The following SFMBT1 variants were observed in gnomAD, a reference collection of about 807,000 sequenced individuals.
SFMBT1 encodes Scm like with four mbt domains 1.
In SFMBT1, 32 loss-of-function variants were observed where a neutral mutation model predicts 108.7. The observed-to-expected ratio is 0.29, with a 90% CI of 0.22 to 0.40. The LOEUF (loss-of-function observed/expected upper bound fraction) is 0.40, where lower values mean the gene tolerates loss of function less well. Ranked by LOEUF, SFMBT1 falls within the 10% of genes least tolerant of loss-of-function variation. The pLI is 1.00. For missense variants in SFMBT1, 816 were observed against 1,059.6 expected, an observed-to-expected ratio of 0.77 and a Z score of 3.19; for synonymous variants, 348 against 369.5, an observed-to-expected ratio of 0.94 and a Z score of 0.67.
chr3:52,995,249 T>A (rs1426330248), intron 1 of SFMBT1, among the ~76,000 whole-genome samples: 3 of 149,870 alleles, frequency 2.0e-5, no homozygotes, highest in African/African-American at 7.3e-5. Context: ...GATATCCACA[T>A]GGACAAAAAT....
intron 1 of SFMBT1, among the ~76,000 whole-genome samples, chr3:52,989,225 C>T (rs754978191): frequency 6.6e-6 from 1 of 152,042 alleles, no homozygotes; most frequent in Non-Finnish European, 1.5e-5. Flanking sequence ...ACCAATTCCA[C>T]TTTACAGTGC....
chr3:52,906,014 A>C, intron 20 of SFMBT1, 99 bp downstream of exon 20: 9 of 1,389,778 alleles, frequency 6.5e-6, no homozygotes, highest in Non-Finnish European at 8.9e-6. Flanking sequence ...TTTTGGATCA[A>C]AACATTTTTC....
At chr3:53,031,804 A>C (rs941121036) in intron 1 of SFMBT1, among the ~76,000 whole-genome samples, 4 of 152,228 alleles carry the variant, frequency 2.6e-5, no homozygotes, top group South Asian at 2.1e-4. Context: ...TGTATAGTTT[A>C]TCTCTCCCAC....
rs1698432832 is a variant in SFMBT1 at position 52,998,798 on chromosome 3, C to T, written c.-130-29540G>A. On this transcript the variant is annotated intron_variant, in intron 1 of 20. Coordinates refer to ENST00000394752, the MANE Select transcript of SFMBT1 (RefSeq NM_016329.4). Reference sequence around the variant, plus strand: ...CTCAACCCTGGGGAGCTGGTGCTGCCGATCGACCTGACTGGCCCACAACGT... The same window carrying T: ...CTCAACCCTGGGGAGCTGGTGCTGCTGATCGACCTGACTGGCCCACAACGT... 2.0e-5 allele frequency among the ~76,000 whole-genome samples: 3 copies of T among 150,642 alleles called. 1 individual carries two copies. The highest frequency in any genetic ancestry group is 4.2e-4 in the South Asian group (2 of 4,788).
At chr3:52,938,283 T>G (rs553140224) in intron 4 of SFMBT1, among the ~76,000 whole-genome samples, 1 of 152,350 alleles carries the variant, frequency 6.6e-6, no homozygotes, top group East Asian at 1.9e-4. Context: ...CAGTAACACT[T>G]ATTGATATTA....
chr3:52,988,101 T>C (rs981137558), intron 1 of SFMBT1, among the ~76,000 whole-genome samples: 2 of 152,232 alleles, frequency 1.3e-5, no homozygotes, highest in Non-Finnish European at 2.9e-5. Flanking sequence ...GGGGAAGTTA[T>C]AGTGGTTGAC....
intron 1 of SFMBT1, among the ~76,000 whole-genome samples, chr3:52,996,299 C>A (rs189225349): frequency 2.9e-5 from 4 of 139,052 alleles, no homozygotes; most frequent in African/African-American, 1.0e-4. Context: ...GCAGCCTCAA[C>A]CTCCTGGGTT....
At chr3:52,974,276 G>A (rs970136233) in intron 1 of SFMBT1, among the ~76,000 whole-genome samples, 4 of 152,138 alleles carry the variant, frequency 2.6e-5, no homozygotes, top group East Asian at 1.9e-4. Context: ...CAATAATTTC[G>A]AGTATGTTGT....
intron 8 of SFMBT1, among the ~76,000 whole-genome samples, chr3:52,929,635 C>T (rs1047420906): frequency 1.3e-5 from 2 of 152,232 alleles, no homozygotes; most frequent in African/African-American, 4.8e-5. Flanking sequence ...CTCAGAATCC[C>T]TCCTTGCTTT....
chr3:52,995,601 A>G (rs1698297243), intron 1 of SFMBT1, among the ~76,000 whole-genome samples: 1 of 149,796 alleles, frequency 6.7e-6, no homozygotes, highest in African/African-American at 2.4e-5. Context: ...TGGTCTCACT[A>G]TGCTGCCAGG....
intron 1 of SFMBT1, among the ~76,000 whole-genome samples, chr3:53,001,242 A>C (rs28663520): frequency 0.033 from 4,996 of 150,364 alleles, 346 homozygotes; most frequent in African/African-American, 0.11. Flanking sequence ...CCTGGGCAAC[A>C]TAGTGAGACC....
intron 12 of SFMBT1, 113 bp downstream of exon 12, chr3:52,920,424 A>G: frequency 1.3e-6 from 1 of 756,324 alleles, no homozygotes; most frequent in African/African-American, 1.8e-5. Flanking sequence ...GCAGGAACAG[A>G]GAACCAGAAT....
intron 14 of SFMBT1, among the ~76,000 whole-genome samples, chr3:52,915,540 A>G (rs759279017): frequency 1.8e-4 from 28 of 152,190 alleles, no homozygotes; most frequent in Non-Finnish European, 3.5e-4. Flanking sequence ...CATTTACTAA[A>G]TATCACCCAA....
At chr3:53,030,849 AC>A (rs781388003) in intron 1 of SFMBT1, among the ~76,000 whole-genome samples, 70 of 152,212 alleles carry the variant, frequency 4.6e-4, no homozygotes, top group Non-Finnish European at 7.9e-4. Context: ...TTATGAGTCA[AC>A]AGTTTTACAT....
chr3:52,997,090 CA>C (rs1371458499), intron 1 of SFMBT1, among the ~76,000 whole-genome samples: 3 of 145,996 alleles, frequency 2.1e-5, no homozygotes, highest in African/African-American at 2.5e-5. Flanking sequence ...AAAACAAAAA[CA>C]AAAAAAAAGC....
chr3:52,966,020 A>AAT (rs1177621018), intron 2 of SFMBT1, among the ~76,000 whole-genome samples: 6 of 139,578 alleles, frequency 4.3e-5, no homozygotes, highest in Non-Finnish European at 7.7e-5. Context: ...AAAAAAAAAA[A>AAT]AAAAAAATAG....
chr3:52,923,789 G>A (rs1190130552), intron 10 of SFMBT1, among the ~76,000 whole-genome samples: 1 of 151,946 alleles, frequency 6.6e-6, no homozygotes, highest in East Asian at 1.9e-4. Context: ...CTTCCAGAAA[G>A]AGAAAAGAGA....
At chr3:52,939,398 A>AC (rs1372204786) in intron 4 of SFMBT1, among the ~76,000 whole-genome samples, 1 of 151,958 alleles carries the variant, frequency 6.6e-6, no homozygotes, top group Non-Finnish European at 1.5e-5. Flanking sequence ...ACATGGTGAA[A>AC]CCCCCTCTCA....
In SFMBT1 at chr3:52,966,100, G is replaced by A. The variant is rs185393366; in HGVS notation, c.28+3001C>T. Among the ~76,000 whole-genome samples, 902 of 127,852 alleles carry A rather than the reference G, an allele frequency of 7.1e-3. 77 individuals are homozygous for A. The South Asian group carries it at 0.19, about 28-fold the overall frequency. The allele number at this position is 127,852 out of a possible 152,430, so 83.9% of individuals were successfully genotyped here. On this transcript the variant is annotated intron_variant, in intron 2 of 20. Transcript: ENST00000394752. Reference sequence around the variant, plus strand: ...TGGGAGGCCGAGGCGGGCGGATCACGAGGTCAGGAAATCGAGACCATCCTG... The same window carrying A: ...TGGGAGGCCGAGGCGGGCGGATCACAAGGTCAGGAAATCGAGACCATCCTG...
Sources: gnomAD v4.1 joint callset for allele counts (sites outside exome capture counted in the v4.1 genomes callset) on GRCh38, gnomAD v4.1.1 for gene constraint, MANE v1.5 for transcripts, NCBI Gene and HGNC (gene_info 2026-07-23, HGNC 2026-07-21) for gene names.